The following ACER3 variants were observed in gnomAD, a reference collection of about 807,000 sequenced individuals.
ACER3 encodes the protein alkCDase 3.
In ACER3, 16 loss-of-function variants were observed where a neutral mutation model predicts 48.9. That is an observed-to-expected ratio of 0.33 (90% CI 0.22 to 0.50). The LOEUF is 0.50. ACER3 is among the 20% of genes least tolerant of loss of function. ACER3 has a pLI of 0.98. For missense variants in ACER3, 227 were observed against 326.0 expected, an observed-to-expected ratio of 0.70 and a Z score of 2.34; for synonymous variants, 109 against 107.8, an observed-to-expected ratio of 1.01 and a Z score of -0.07.
chr11:76,871,902 A>G (rs987590900), intron 1 of ACER3, among the ~76,000 whole-genome samples: 2 of 152,158 alleles, frequency 1.3e-5, no homozygotes, highest in Non-Finnish European at 2.9e-5. Context: ...GTCACGTTGG[A>G]ATTTGGTATC....
intron 1 of ACER3, chr11:76,868,142 GA>G (rs762522595): frequency 1.1e-5 from 14 of 1,289,704 alleles, no homozygotes; most frequent in Non-Finnish European, 1.2e-5. Flanking sequence ...CATCCTCCCT[GA>G]AGAGCAACCT....
At chr11:76,959,086 A>T in intron 3 of ACER3, 55 bp downstream of exon 3, 1 of 1,611,810 alleles carries the variant, frequency 6.2e-7, no homozygotes. Flanking sequence ...GAAGTACTTC[A>T]GATTTGAGAA....
Position 76,886,665 on chromosome 11 carries a change from A to C in ACER3, c.103+25586A>C, listed in dbSNP as rs12282391. Among the ~76,000 whole-genome samples the C allele has an allele frequency of 1.5e-3, 226 of 152,248 alleles. 2 individuals carry two copies. The highest frequency in any genetic ancestry group is 5.2e-3 in the African/African-American group (215 of 41,562). The stretch of plus-strand genomic sequence containing the variant: ...TCATACAAAGCATGCCTAGGTACTC[A>C]AGGTACTATGGGGGTTTTGCTGTTA... On this transcript the variant is annotated intron_variant, in intron 1 of 10. Coordinates refer to ENST00000532485, the MANE Select transcript of ACER3 (RefSeq NM_018367.7).
chr11:77,006,890 G>A (rs781889644), intron 7 of ACER3, among the ~76,000 whole-genome samples: 4 of 151,964 alleles, frequency 2.6e-5, no homozygotes, highest in East Asian at 1.9e-4. Flanking sequence ...TGGGAGGATC[G>A]CTTGAGGCCA....
At chr11:76,883,455 T>TTTTG (rs1312395155) in intron 1 of ACER3, among the ~76,000 whole-genome samples, 1 of 146,562 alleles carries the variant, frequency 6.8e-6, no homozygotes, top group Non-Finnish European at 1.5e-5. Context: ...TTTTTTTTTT[T>TTTTG]TTTGAGACAG....
rs3047842 is a variant in ACER3 at position 76,904,841 on chromosome 11, A to ATGTGTG, written c.104-21694_104-21689dup. ...TTTGCTATATGTCTTTTCTCTATGT[A>ATGTGTG]TGTGTGTGTGTGTGTGTGTGTGTGT... On this transcript the variant is annotated intron_variant, in intron 1 of 10. Coordinates refer to ENST00000532485, the MANE Select transcript of ACER3 (RefSeq NM_018367.7). Among the ~76,000 whole-genome samples, 996 of 147,508 alleles carry ATGTGTG rather than the reference A, an allele frequency of 6.8e-3. 11 individuals carry two copies. Among genetic ancestry groups the ATGTGTG allele is most frequent in the African/African-American group, 0.023 (930 of 40,380 alleles).
At chr11:76,966,743 T>G (rs558358899) in intron 3 of ACER3, among the ~76,000 whole-genome samples, 9 of 150,230 alleles carry the variant, frequency 6.0e-5, no homozygotes, top group Admixed American at 1.3e-4. Context: ...GAAATAAAGA[T>G]GTTCTTTGAA....
At chr11:76,984,620 T>C (rs1948650041) in intron 4 of ACER3, among the ~76,000 whole-genome samples, 3 of 152,220 alleles carry the variant, frequency 2.0e-5, no homozygotes, top group Admixed American at 2.0e-4. Flanking sequence ...ATACCTCCTA[T>C]GTGTTCAGCA....
chr11:76,974,431 T>C (rs1057201035), intron 3 of ACER3, among the ~76,000 whole-genome samples: 1 of 152,222 alleles, frequency 6.6e-6, no homozygotes, highest in African/African-American at 2.4e-5. Context: ...TAGTTGGTTA[T>C]AGCTTACTAA....
In ACER3 at chr11:77,021,427, A is replaced by G. The variant is rs1555024451; in HGVS notation, c.*1100A>G. On this transcript the variant is annotated 3_prime_UTR_variant, in exon 11 of 11. Transcript: ENST00000532485. ...CAAAAATTAGGGTGCTAAAAAAATG[A>G]CAGTGAAATCTCATCGTAAGGCAGC... 1 of 152,234 alleles carries G rather than the reference A, an allele frequency of 6.6e-6. No homozygotes were observed. Among genetic ancestry groups the G allele is most frequent in the Non-Finnish European group, 1.5e-5 (1 of 68,040 alleles). The allele number at this position is 152,234 out of a possible 1,614,324, so 9.4% of individuals were successfully genotyped here.
In ACER3 at chr11:76,861,110, C is replaced by A. The variant is rs1443796474; in HGVS notation, c.103+31C>A. 16 of 1,522,748 alleles carry A rather than the reference C, an allele frequency of 1.1e-5. No homozygotes were observed. The Admixed American group carries it at 1.2e-4, about 11-fold the overall frequency. 94.3% of individuals were successfully genotyped at this position (1,522,748 alleles called of 1,614,324 possible). ...TGTGGCCTGAGGAGGGGAGTGGGGGCGAGAGGGCACCGGGCTGAGGAGACG... is the reference window on the plus strand; with the variant it reads ...TGTGGCCTGAGGAGGGGAGTGGGGGAGAGAGGGCACCGGGCTGAGGAGACG... On this transcript the variant is annotated intron_variant, in intron 1 of 10. Coordinates refer to ENST00000532485, the MANE Select transcript of ACER3 (RefSeq NM_018367.7).
At chr11:76,941,199 A>G (rs1947336440) in intron 2 of ACER3, among the ~76,000 whole-genome samples, 1 of 152,162 alleles carries the variant, frequency 6.6e-6, no homozygotes, top group Non-Finnish European at 1.5e-5. Flanking sequence ...CCCCATAACA[A>G]CTGCTTAACT....
intron 1 of ACER3, among the ~76,000 whole-genome samples, chr11:76,892,054 A>G (rs1017233117): frequency 6.6e-6 from 1 of 152,190 alleles, no homozygotes; most frequent in Admixed American, 6.5e-5. Flanking sequence ...TAAACAATAC[A>G]GCTTCTTGTT....
intron 1 of ACER3, among the ~76,000 whole-genome samples, chr11:76,870,071 A>G (rs1291321270): frequency 6.6e-6 from 1 of 151,864 alleles, no homozygotes; most frequent in African/African-American, 2.4e-5. Context: ...TATGTTGCCC[A>G]GGCTGGTCTC....
chr11:76,879,789 G>A (rs1359884764), intron 1 of ACER3, among the ~76,000 whole-genome samples: 1 of 152,088 alleles, frequency 6.6e-6, no homozygotes, highest in African/African-American at 2.4e-5. Context: ...CTTTTTATGT[G>A]TTGCTGGATT....
chr11:76,952,767 G>A (rs541442026), intron 2 of ACER3, among the ~76,000 whole-genome samples: 9 of 148,616 alleles, frequency 6.1e-5, no homozygotes, highest in Non-Finnish European at 1.0e-4. Context: ...CCCAGGTTAA[G>A]CAATTCTCCT....
chr11:76,892,552 G>T (rs779128362), intron 1 of ACER3, among the ~76,000 whole-genome samples: 16 of 152,168 alleles, frequency 1.1e-4, no homozygotes, highest in Admixed American at 5.2e-4. Context: ...TTTCTTTAAA[G>T]CAGTTTTTTT....
At chr11:76,875,839 G>A (rs1356725039) in intron 1 of ACER3, among the ~76,000 whole-genome samples, 1 of 139,486 alleles carries the variant, frequency 7.2e-6, no homozygotes, top group African/African-American at 2.7e-5. Flanking sequence ...AGGTTCAAAC[G>A]ATTCTCCTGC....
At chr11:76,936,580 G>C (rs4944129) in intron 2 of ACER3, among the ~76,000 whole-genome samples, 1 of 151,836 alleles carries the variant, frequency 6.6e-6, no homozygotes, top group Non-Finnish European at 1.5e-5. Context: ...TAACATTTAC[G>C]TTGTATTAAA....
Sources: allele counts gnomAD v4.1 joint callset (sites outside exome capture counted in the v4.1 genomes callset), GRCh38; gene constraint gnomAD v4.1.1; transcripts MANE v1.5; gene names NCBI Gene and HGNC (gene_info 2026-07-23, HGNC 2026-07-21).